FRMD4A: variants seen among roughly 807,000 people sequenced by gnomAD.
The protein encoded by FRMD4A is FERM domain containing 4A.
Under a neutral mutation model 129.1 loss-of-function variants are expected in FRMD4A, and 29 were observed. The observed-to-expected ratio is 0.22, with a 90% confidence interval of 0.17 to 0.31. The LOEUF is 0.31. Ranked by LOEUF, FRMD4A falls within the 10% of genes least tolerant of loss-of-function variation. The pLI is 1.00. For missense variants in FRMD4A, 1,272 were observed against 1,375.8 expected, an observed-to-expected ratio of 0.92 and a Z score of 1.19; for synonymous variants, 634 against 571.6, an observed-to-expected ratio of 1.11 and a Z score of -1.56.
intron 2 of FRMD4A, among the ~76,000 whole-genome samples, chr10:13,932,313 G>A (rs1565064495): frequency 6.6e-6 from 1 of 152,164 alleles, no homozygotes; most frequent in Non-Finnish European, 1.5e-5. Context: ...CATGGGTCAT[G>A]TCCTCTCTGT....
chr10:14,128,032 C>T (rs1564319818), intron 2 of FRMD4A, among the ~76,000 whole-genome samples: 6 of 138,960 alleles, frequency 4.3e-5, no homozygotes, highest in African/African-American at 1.6e-4. Flanking sequence ...TCCTTCCTTC[C>T]TTCCTTTCTT....
chr10:14,025,029 C>T (rs951446283), intron 2 of FRMD4A, among the ~76,000 whole-genome samples: 12 of 152,218 alleles, frequency 7.9e-5, no homozygotes, highest in Non-Finnish European at 1.6e-4. Flanking sequence ...CGTATCAGAC[C>T]TTGTTTTGTA....
At chr10:14,144,338 G>C (rs1455061190) in intron 2 of FRMD4A, among the ~76,000 whole-genome samples, 1 of 152,178 alleles carries the variant, frequency 6.6e-6, no homozygotes, top group Admixed American at 6.5e-5. Context: ...GTGGAGGAGA[G>C]AGGAGGGGAC....
At chr10:14,299,778 T>A (rs1009568123) in intron 2 of FRMD4A, among the ~76,000 whole-genome samples, 3 of 152,046 alleles carry the variant, frequency 2.0e-5, no homozygotes, top group Admixed American at 2.0e-4. Context: ...GCCACATGAA[T>A]AATTAAGAGC....
At chr10:13,702,540 A>ATGTGTGTGTGTGTG (rs398012859) in intron 13 of FRMD4A, among the ~76,000 whole-genome samples, 1 of 107,718 alleles carries the variant, frequency 9.3e-6, no homozygotes, top group Non-Finnish European at 2.3e-5. Context: ...GTGTGTTTGC[A>ATGTGTGTGTGTGTG]TGTGTGTGTG....
intron 2 of FRMD4A, among the ~76,000 whole-genome samples, chr10:14,115,261 C>T (rs550861875): frequency 7.3e-4 from 111 of 152,342 alleles, no homozygotes; most frequent in African/African-American, 2.5e-3. Flanking sequence ...CTGCCTTGCA[C>T]GCTGCAGGTA....
chr10:14,123,523 C>G (rs937663874), intron 2 of FRMD4A, among the ~76,000 whole-genome samples: 1 of 152,214 alleles, frequency 6.6e-6, no homozygotes, highest in African/African-American at 2.4e-5. Flanking sequence ...AAGGCTCAAG[C>G]TCCTGGGTAG....
intron 2 of FRMD4A, among the ~76,000 whole-genome samples, chr10:14,200,451 C>A (rs933131586): frequency 1.9e-4 from 29 of 152,042 alleles, no homozygotes; most frequent in Non-Finnish European, 2.8e-4. Flanking sequence ...CCCCACCTTG[C>A]AAGGCTAATT....
intron 11 of FRMD4A, among the ~76,000 whole-genome samples, chr10:13,739,815 G>A (rs560539592): frequency 6.6e-6 from 1 of 152,142 alleles, no homozygotes; most frequent in South Asian, 2.1e-4. Flanking sequence ...AAAAAACAAT[G>A]AGGGCCAGGC....
intron 2 of FRMD4A, among the ~76,000 whole-genome samples, chr10:14,249,862 A>G (rs116418853): frequency 0.023 from 3,461 of 152,358 alleles, 125 homozygotes; most frequent in African/African-American, 0.079. Context: ...CTTTTTAATA[A>G]AAGTATATAT....
At chr10:14,263,301 A>G (rs1310510592) in intron 2 of FRMD4A, among the ~76,000 whole-genome samples, 1 of 152,190 alleles carries the variant, frequency 6.6e-6, no homozygotes, top group Admixed American at 6.5e-5. Flanking sequence ...GAAACAGGGC[A>G]TATGGCTTTG....
At chr10:14,330,539 C>A (rs903096741) in intron 1 of FRMD4A, 58 bp downstream of exon 1, 14 of 409,606 alleles carry the variant, frequency 3.4e-5, no homozygotes, top group Admixed American at 1.6e-4. Context: ...GAGCCACCCC[C>A]TCTCTCTGCA....
intron 18 of FRMD4A, among the ~76,000 whole-genome samples, chr10:13,664,147 G>A (rs928569919): frequency 2.6e-5 from 4 of 152,192 alleles, no homozygotes; most frequent in Admixed American, 6.5e-5. Flanking sequence ...TGGTTTGTCC[G>A]AGGTGGTTTT....
At chr10:14,253,179 G>A (rs920831555) in intron 2 of FRMD4A, among the ~76,000 whole-genome samples, 1 of 152,170 alleles carries the variant, frequency 6.6e-6, no homozygotes, top group African/African-American at 2.4e-5. Flanking sequence ...AAAAACTGTT[G>A]TTTGTTTTTG....
At position 13,829,151 on chromosome 10, in the gene FRMD4A, G is replaced by T. The variant is rs1357996668; in HGVS notation, c.112-18243C>A. ...TGAGTGTTAAATGATGGCCTGGATG[G>T]ATCAATGAATGAAGGAGTGAATGGT... On this transcript the variant is annotated intron_variant, in intron 3 of 24. Transcript: ENST00000357447. Among the ~76,000 whole-genome samples, 7 of 152,284 alleles carry T rather than the reference G, an allele frequency of 4.6e-5. No individual in the cohort carries two copies. In the East Asian group the frequency reaches 1.3e-3, roughly 29 times the overall value.
At chr10:13,856,217 A>T (rs1251262749) in intron 3 of FRMD4A, among the ~76,000 whole-genome samples, 2 of 145,898 alleles carry the variant, frequency 1.4e-5, no homozygotes, top group Non-Finnish European at 3.0e-5. Flanking sequence ...ATTTTGTGCA[A>T]GTGTGTGTGT....
At chr10:14,294,139 C>G (rs1845935044) in intron 2 of FRMD4A, among the ~76,000 whole-genome samples, 1 of 152,130 alleles carries the variant, frequency 6.6e-6, no homozygotes, top group Admixed American at 6.6e-5. Context: ...TCCTAAGTGC[C>G]ACTAATGTTG....
At chr10:13,808,920 G>A (rs2093401485) in intron 4 of FRMD4A, among the ~76,000 whole-genome samples, 1 of 152,178 alleles carries the variant, frequency 6.6e-6, no homozygotes. Flanking sequence ...CCTCCACATA[G>A]CCAGCTCCAC....
At chr10:13,823,777 C>T (rs968606903) in intron 3 of FRMD4A, among the ~76,000 whole-genome samples, 1 of 152,166 alleles carries the variant, frequency 6.6e-6, no homozygotes, top group African/African-American at 2.4e-5. Context: ...CAAATGACAC[C>T]AGGACCAACT....
Sources: allele counts gnomAD v4.1 joint callset (sites outside exome capture counted in the v4.1 genomes callset), GRCh38; gene constraint gnomAD v4.1.1; transcripts MANE v1.5; gene names NCBI Gene and HGNC (gene_info 2026-07-23, HGNC 2026-07-21).